Variants in ROBO3 observed in about 807,000 individuals in gnomAD.
The protein encoded by ROBO3 is roundabout homolog 3.
Under a neutral mutation model 160.5 loss-of-function variants are expected in ROBO3, and 97 were observed. That is an observed-to-expected ratio of 0.60 (90% CI 0.51 to 0.72). The LOEUF (loss-of-function observed/expected upper bound fraction) is 0.72, where lower values mean the gene tolerates loss of function less well. Ranked by LOEUF, ROBO3 falls within the 30% of genes least tolerant of loss-of-function variation. The probability of loss-of-function intolerance (pLI) is 0.00; values close to 1 mark genes in which losing one functional copy is unlikely to be tolerated. For synonymous variants in ROBO3, 780 were observed against 746.2 expected (o/e 1.05, Z -0.74); for missense variants, 1,858 against 1,846.5 (o/e 1.01, Z -0.11).
chr11:124,866,473 C>T (rs1419318766), intron 1 of ROBO3, among the ~76,000 whole-genome samples: 1 of 152,220 alleles, frequency 6.6e-6, no homozygotes, highest in East Asian at 1.9e-4. Context: ...CCTGCCGCAT[C>T]GGGAACCCCC....
In ROBO3 at chr11:124,874,871, A is replaced by T; in HGVS notation, c.2035A>T (p.Ile679Leu). 6.2e-7 allele frequency: 1 copy of T among 1,602,608 alleles called. No homozygotes were observed. ...AEVAVRLQEP[I>L]VLGPRTLQVS... ...AGTGGCTGTGCGCCTGCAGGAGCCC[A>T]TAGTCCTGGGACCCCGGACCCTGCA... Residue 679 changes from isoleucine to leucine, a missense_variant, in exon 13 of 28, where the codon ATA (isoleucine) becomes TTA (leucine). Ile to Leu is a conservative substitution (Grantham distance 5, BLOSUM62 2). Transcript: ENST00000397801.
rs1486034481 is a variant in ROBO3 at position 124,873,316 on chromosome 11, G to C, written c.1543G>C (p.Asp515His). 1.9e-6 allele frequency: 3 copies of C among 1,609,284 alleles called. No homozygotes were observed. Among genetic ancestry groups the C allele is most frequent in the Non-Finnish European group, 2.5e-6 (3 of 1,177,968 alleles). Residue 515 changes from aspartate (D) to histidine (H), a missense_variant, in exon 10 of 28, where the codon GAC becomes CAC. Coordinates refer to ENST00000397801, the MANE Select transcript of ROBO3 (RefSeq NM_022370.4). This position sits in a 1 kb window ranked among gnomAD's most constrained non-coding sequence, Gnocchi z 4.5. ...GCTCTGCCCTCTCTTCCAGGAGATG[G>C]ACATGGGCTTCTACAGCTGCGTGGC... ...TLYIANVQEM[D>H]MGFYSCVAKS...
rs368589400 is a variant in ROBO3, at chr11:124,865,551, C to G, written c.-27C>G. 1.1e-4 allele frequency: 176 copies of G among 1,607,474 alleles called. 1 individual carries two copies. The African/African-American group carries it at 2.1e-3, about 19-fold the overall frequency. On this transcript the variant is annotated 5_prime_UTR_variant, in exon 1 of 28. Coordinates refer to ENST00000397801, the MANE Select transcript of ROBO3 (RefSeq NM_022370.4). The surrounding 1 kb of genome is among the most constrained non-coding windows in gnomAD (Gnocchi z 5.5). ...ACCCAGGGGCTGGGCCCCCAGCCCC[C>G]AGTCCCGATCCCAGCTGGGTCGAGC...
chr11:124,876,390 G>A lies in ROBO3; in HGVS notation c.2709G>A (p.Ala903=), dbSNP rs759890190. Residue 903 remains alanine (A), a synonymous_variant, in exon 17 of 28, where the codon GCG becomes GCA. Transcript: ENST00000397801. The surrounding 1 kb of genome is among the most constrained non-coding windows in gnomAD (Gnocchi z 5.3). ...FLAGSGAACG[A]LLLGLCAALY... ...CGGGCAGCGGCGCAGCCTGCGGGGC[G>A]CTGCTTCTCGGGCTCTGCGCCGCCC... 2.8e-6 allele frequency: 4 copies of A among 1,450,166 alleles called. No individual in the cohort carries two copies. The East Asian group carries it at 1.1e-4, about 41-fold the overall frequency. 89.8% of individuals were successfully genotyped at this position (1,450,166 alleles called of 1,614,324 possible). A position where few individuals can be genotyped will look rare whatever the true frequency, so the allele number is the denominator to read the frequency against.
rs749382653 is a variant in ROBO3, at chr11:124,879,787, A to C, written c.3797A>C (p.Asp1266Ala). Residue 1266 changes from aspartate to alanine, a missense_variant and splice_region_variant, in exon 26 of 28, where the codon GAC becomes GCC. By Grantham distance (126) the Asp-to-Ala change is moderately radical. Transcript: ENST00000397801. ...CCGCTGAAAACAGCTCCCTCCCCAG[A>C]CTTGCCCCCACCACCCTTGCCACCG... is the stretch of plus-strand genomic sequence containing the variant. The part of the protein sequence containing the change: ...LPYRRENSPG[D>A]LPPPPLPPPE... 8.1e-6 allele frequency: 13 copies of C among 1,613,496 alleles called. No homozygotes were observed. The African/African-American group carries it at 1.7e-4, about 22-fold the overall frequency.
chr11:124,877,040 C>G (rs1946395845), intron 17 of ROBO3, 121 bp from the exon 18 acceptor site: 6 of 1,102,672 alleles, frequency 5.4e-6, no homozygotes, highest in Non-Finnish European at 8.4e-6. Context: ...TGAAATGGGT[C>G]CAGGGTGCAG....
In ROBO3 at chr11:124,878,594, G is replaced by A. The variant is rs577291333; in HGVS notation, c.3331G>A (p.Glu1111Lys). 3 of 1,610,782 alleles carry A rather than the reference G, an allele frequency of 1.9e-6. No individual in the cohort carries two copies. Among genetic ancestry groups the A allele is most frequent in the South Asian group, 2.2e-5 (2 of 90,556 alleles). The change falls in exon 23 of 28, where the codon GAG becomes AAG. Residue 1111 changes from glutamate (E) to lysine (K), a missense_variant. Physicochemically the swap from Glu to Lys is moderately conservative, Grantham distance 56. Transcript: ENST00000397801. This position sits in a 1 kb window ranked among gnomAD's most constrained non-coding sequence, Gnocchi z 4.3. ...CCTCTTTGATCCCAGCTCAGAGCCAGAGGAGTGGTGCCCGCCAATGCCTGA... is the reference window on the plus strand; with the variant it reads ...CCTCTTTGATCCCAGCTCAGAGCCAAAGGAGTGGTGCCCGCCAATGCCTGA... ...EEELEGSSEPEEWCPPMPERS... is the reference protein window; with the variant it reads ...EEELEGSSEPKEWCPPMPERS...
At chr11:124,880,280 C>T (rs755052957) in intron 26 of ROBO3, 138 bp from the exon 27 acceptor site, 115 of 1,416,186 alleles carry the variant, frequency 8.1e-5, no homozygotes, top group Non-Finnish European at 1.0e-4. Context: ...TGCTGCTCCT[C>T]AGCCCCAGGC....
At position 124,872,550 on chromosome 11, in the gene ROBO3, G is replaced by C; in HGVS notation, c.1328G>C (p.Gly443Ala). 1 of 1,613,098 alleles carries C rather than the reference G, an allele frequency of 6.2e-7. No individual in the cohort carries two copies. Among genetic ancestry groups the C allele is most frequent in the Non-Finnish European group, 8.5e-7 (1 of 1,179,204 alleles). ...ILAKALLEIK[G>A]ASLDGLPPVI... is the part of the protein sequence containing the mutation. ...GCCAAGGCCCTGCTGGAGATAAAAGGAGGTACGTGCCCATGGAGATAGGAC... is the reference window on the plus strand; with the variant it reads ...GCCAAGGCCCTGCTGGAGATAAAAGCAGGTACGTGCCCATGGAGATAGGAC... Residue 443 changes from glycine to alanine, a missense_variant and splice_region_variant, in exon 8 of 28, where the codon GGA becomes GCA. By Grantham distance (60) the Gly-to-Ala change is moderately conservative. Transcript: ENST00000397801. This position sits in a 1 kb window ranked among gnomAD's most constrained non-coding sequence, Gnocchi z 4.3.
chr11:124,878,686 C>T lies in ROBO3; in HGVS notation c.3423C>T (p.Thr1141=). ...TGGTCACCCCATCCCGAAGGGAAAC[C>T]CCCTCTCCCACACCTTCCTATGGAC... ...GCLVTPSRRE[T]PSPTPSYGQQ... is the part of the protein sequence containing the mutation. Residue 1141 remains threonine (T), a synonymous_variant, in exon 23 of 28, where the codon ACC becomes ACT. Coordinates refer to ENST00000397801, the MANE Select transcript of ROBO3 (RefSeq NM_022370.4). The surrounding 1 kb of genome is among the most constrained non-coding windows in gnomAD (Gnocchi z 4.3). The T allele has an allele frequency of 1.9e-6, 3 of 1,613,698 alleles. No homozygotes were observed. The highest frequency in any genetic ancestry group is 2.5e-6 in the Non-Finnish European group (3 of 1,179,784).
In ROBO3 at chr11:124,877,532, C is replaced by G. The variant is rs1304431169; in HGVS notation, c.2860C>G (p.Leu954Val). Residue 954 changes from leucine (L) to valine (V), a missense_variant, in exon 20 of 28, where the codon CTT becomes GTT. Transcript: ENST00000397801. ...GCTCTCCCTCAGGCCACCCATGGGC[C>G]TTGGCCCCGCCCCCTACTCATGGCT... ...SGASSRPPMG[L>V]GPAPYSWLAD... 6.2e-7 allele frequency: 1 copy of G among 1,600,952 alleles called. No individual in the cohort carries two copies. Among genetic ancestry groups the G allele is most frequent in the South Asian group, 1.1e-5 (1 of 88,710 alleles).
At position 124,873,971 on chromosome 11, in the gene ROBO3, G is replaced by A; in HGVS notation, c.1785-99G>A. 1.9e-6 allele frequency: 3 copies of A among 1,585,226 alleles called. No homozygotes were observed. Among genetic ancestry groups the A allele is most frequent in the Non-Finnish European group, 2.6e-6 (3 of 1,158,010 alleles). On this transcript the variant is annotated intron_variant, in intron 11 of 27. Coordinates refer to ENST00000397801, the MANE Select transcript of ROBO3 (RefSeq NM_022370.4). The surrounding 1 kb of genome is among the most constrained non-coding windows in gnomAD (Gnocchi z 4.5). Reference sequence around the variant, plus strand: ...GGATTCTCCAGTACCCTCTTGCAAGGGGAAGACATAATGGTCGTTCATAGA... The same window carrying A: ...GGATTCTCCAGTACCCTCTTGCAAGAGGAAGACATAATGGTCGTTCATAGA...
In ROBO3 at chr11:124,876,560, G is replaced by A. The variant is rs1471383832; in HGVS notation, c.2779+100G>A. 2 of 1,053,946 alleles carry A rather than the reference G, an allele frequency of 1.9e-6. No individual in the cohort carries two copies. Among genetic ancestry groups the A allele is most frequent in the Non-Finnish European group, 2.5e-6 (2 of 796,734 alleles). The allele number at this position is 1,053,946 out of a possible 1,614,324, so 65.3% of individuals were successfully genotyped here. A position where few individuals can be genotyped will look rare whatever the true frequency, so the allele number is the denominator to read the frequency against. On this transcript the variant is annotated intron_variant, in intron 17 of 27. Coordinates refer to ENST00000397801, the MANE Select transcript of ROBO3 (RefSeq NM_022370.4). The surrounding 1 kb of genome is among the most constrained non-coding windows in gnomAD (Gnocchi z 5.3). ...CGCTGGCGAGTGAGGACCGGGTCGG[G>A]AGAAAGGGGTCGCACCTGGAGTTCA...
At chr11:124,866,943 C>A (rs1386369920) in intron 1 of ROBO3, among the ~76,000 whole-genome samples, 2 of 152,160 alleles carry the variant, frequency 1.3e-5, no homozygotes, top group Non-Finnish European at 2.9e-5. Context: ...CCGCAGAGTC[C>A]CGCTTCTGCT....
rs752470443 is a variant in ROBO3 at position 124,878,703 on chromosome 11, C to G, written c.3440C>G (p.Ser1147Cys). ...SRRETPSPTP[S>C]YGQQSTATLT... is the part of the protein sequence containing the mutation. ...AGGGAAACCCCCTCTCCCACACCTT[C>G]CTATGGACAGCAGTCCACAGCCACT... Residue 1147 changes from serine to cysteine, a missense_variant, in exon 23 of 28, where the codon TCC becomes TGC. Transcript: ENST00000397801. The surrounding 1 kb of genome is among the most constrained non-coding windows in gnomAD (Gnocchi z 4.3). The G allele has an allele frequency of 3.7e-6, 6 of 1,613,802 alleles. No individual in the cohort carries two copies. The Admixed American group carries it at 1.0e-4, about 27-fold the overall frequency.
At chr11:124,881,045 C>A (rs1454494968) in intron 27 of ROBO3, among the ~76,000 whole-genome samples, 194 bp from the exon 28 acceptor site, 1 of 152,098 alleles carries the variant, frequency 6.6e-6, no homozygotes, top group Non-Finnish European at 1.5e-5. Context: ...CAGAGTGAGA[C>A]TCTGTCTCAA....
intron 12 of ROBO3, among the ~76,000 whole-genome samples, 193 bp downstream of exon 12, chr11:124,874,429 A>T (rs1439316380): frequency 6.6e-6 from 1 of 152,054 alleles, no homozygotes; most frequent in Non-Finnish European, 1.5e-5. Flanking sequence ...GAAGGCAGGG[A>T]GAGGGGAGGA....
At chr11:124,868,750 C>A in intron 1 of ROBO3, 52 bp from the exon 2 acceptor site, 1 of 1,522,074 alleles carries the variant, frequency 6.6e-7, no homozygotes, top group Non-Finnish European at 9.0e-7. Context: ...GAGCCTCAAT[C>A]TCTCCCCACA....
At chr11:124,874,625 G>A (rs911126202) in intron 12 of ROBO3, among the ~76,000 whole-genome samples, 163 bp from the exon 13 acceptor site, 6 of 152,346 alleles carry the variant, frequency 3.9e-5, no homozygotes, top group East Asian at 3.9e-4. Context: ...GCTGGACACC[G>A]AGGCCCATGT....
Sources: allele counts gnomAD v4.1 joint callset (sites outside exome capture counted in the v4.1 genomes callset), GRCh38; gene constraint gnomAD v4.1.1; non-coding constraint Gnocchi (gnomAD v3.1); transcripts MANE v1.5; gene names NCBI Gene and HGNC (gene_info 2026-07-23, HGNC 2026-07-21).